AMPD1: variants seen among roughly 807,000 people sequenced by gnomAD.
The protein encoded by AMPD1 is adenosine monophosphate deaminase 1.
A neutral mutation model predicts 82.9 loss-of-function variants in AMPD1; 74 were observed. The ratio of observed to expected loss-of-function variants is 0.89; its 90% CI spans 0.74 to 1.08. AMPD1 has a LOEUF of 1.08. AMPD1 is among the 50% of genes least tolerant of loss of function. The pLI is 0.00. For missense variants in AMPD1, 881 were observed against 924.5 expected, an observed-to-expected ratio of 0.95 and a Z score of 0.61; for synonymous variants, 333 against 320.5, an observed-to-expected ratio of 1.04 and a Z score of -0.42.
Position 114,694,259 on chromosome 1 carries a change from A to C in AMPD1, c.23-812T>G, listed in dbSNP as rs557893085. Reference sequence around the variant, plus strand: ...AACAAAAACGAACAAACAAAAAAAAACCCCCAAACCATAAAGAACCTAAGG... The same window carrying C: ...AACAAAAACGAACAAACAAAAAAAACCCCCCAAACCATAAAGAACCTAAGG... On this transcript the variant is annotated intron_variant, in intron 1 of 15. Coordinates refer to ENST00000520113, the MANE Select transcript of AMPD1 (RefSeq NM_000036.3). 3.1e-3 allele frequency among the ~76,000 whole-genome samples: 466 copies of C among 151,670 alleles called. 1 individual carries two copies. The highest frequency in any genetic ancestry group is 7.6e-3 in the African/African-American group (313 of 41,372).
intron 12 of AMPD1, among the ~76,000 whole-genome samples, chr1:114,675,234 T>C (rs1657946035): frequency 1.3e-5 from 2 of 152,146 alleles, no homozygotes; most frequent in Admixed American, 1.3e-4. Flanking sequence ...CTTACCCAAA[T>C]ATATCAAGAA....
intron 11 of AMPD1, 44 bp downstream of exon 11, chr1:114,675,833 T>C (rs1487622970): frequency 6.2e-7 from 1 of 1,613,942 alleles, no homozygotes; most frequent in East Asian, 2.2e-5. Context: ...GTAGGAAGGC[T>C]GGTTCATGAG....
intron 2 of AMPD1, 94 bp from the exon 3 acceptor site, chr1:114,688,835 C>T: frequency 1.4e-6 from 2 of 1,395,970 alleles, no homozygotes; most frequent in South Asian, 1.2e-5. Flanking sequence ...AAGGACTGTG[C>T]TGCGTGCATG....
chr1:114,680,122 T>C (rs1271747872), intron 6 of AMPD1, 137 bp downstream of exon 6: 3 of 828,796 alleles, frequency 3.6e-6, no homozygotes, highest in African/African-American at 3.4e-5. Flanking sequence ...ACAATGTGCA[T>C]GAAGGGCTTA....
At chr1:114,685,130 G>T (rs1433867375) in intron 4 of AMPD1, among the ~76,000 whole-genome samples, 2 of 152,146 alleles carry the variant, frequency 1.3e-5, no homozygotes, top group Non-Finnish European at 2.9e-5. Flanking sequence ...GTAGTTTAAG[G>T]TCCAGATATT....
intron 4 of AMPD1, among the ~76,000 whole-genome samples, chr1:114,684,795 G>A (rs185405405): frequency 1.3e-5 from 2 of 152,118 alleles, no homozygotes; most frequent in African/African-American, 2.4e-5. Flanking sequence ...CAAACCACTC[G>A]GTCAGTGAGG....
At chr1:114,686,720 G>A in intron 4 of AMPD1, 25 bp downstream of exon 4, 1 of 1,613,548 alleles carries the variant, frequency 6.2e-7, no homozygotes, top group Non-Finnish European at 8.5e-7. Context: ...TGGTTGCTAA[G>A]TCTGAGTGGC....
At chr1:114,690,787 G>T (rs1305106809) in intron 2 of AMPD1, among the ~76,000 whole-genome samples, 1 of 152,092 alleles carries the variant, frequency 6.6e-6, no homozygotes, top group Non-Finnish European at 1.5e-5. Context: ...CATCTCAAGG[G>T]AGAGTGGCAA....
chr1:114,676,033 GA>G (rs1657972015), intron 10 of AMPD1, 30 bp from the exon 11 acceptor site: 1 of 1,612,186 alleles, frequency 6.2e-7, no homozygotes, highest in South Asian at 1.1e-5. Context: ...GAATTTAGGA[GA>G]AAAAAAGATT....
chr1:114,678,876 G>A (rs1036894373), intron 7 of AMPD1, among the ~76,000 whole-genome samples: 7 of 152,146 alleles, frequency 4.6e-5, no homozygotes, highest in Non-Finnish European at 8.8e-5. Context: ...CAGCCCCTAA[G>A]GAGAAAGGAT....
chr1:114,688,665 C>T lies in AMPD1; in HGVS notation c.111G>A (p.Glu37=). The T allele has an allele frequency of 6.2e-7, 1 of 1,614,218 alleles. No individual in the cohort carries two copies. ...TCTCATCCACATCAAAGGGGGAAAT[C>T]TCCTGACGACCTCCTTCATCTTTGA... ...SEVKDEGGRQ[E]ISPFDVDEIC... The change falls in exon 3 of 16, where the codon GAG becomes GAA. Residue 37 remains glutamate (E), a synonymous_variant. Coordinates refer to ENST00000520113, the MANE Select transcript of AMPD1 (RefSeq NM_000036.3).
chr1:114,690,996 C>A (rs964450141), intron 2 of AMPD1, among the ~76,000 whole-genome samples: 4 of 152,132 alleles, frequency 2.6e-5, no homozygotes, highest in Non-Finnish European at 5.9e-5. Context: ...TCTGGCTCTT[C>A]CAGAACAAGC....
intron 12 of AMPD1, 113 bp downstream of exon 12, chr1:114,675,417 C>T: frequency 8.4e-7 from 1 of 1,183,942 alleles, no homozygotes. Context: ...CTGATTTGGG[C>T]CAATTGGAAC....
chr1:114,677,665 A>C (rs896601479), intron 9 of AMPD1, 151 bp from the exon 10 acceptor site: 1 of 1,174,530 alleles, frequency 8.5e-7, no homozygotes. Flanking sequence ...TAATTTCTCT[A>C]CCTTAGCAAT....
At chr1:114,681,358 G>A (rs746938456) in intron 5 of AMPD1, among the ~76,000 whole-genome samples, 4 of 152,114 alleles carry the variant, frequency 2.6e-5, no homozygotes, top group Non-Finnish European at 4.4e-5. Flanking sequence ...ATTTTGGGAG[G>A]CCAAGGTGGG....
At chr1:114,678,658 G>C in intron 7 of AMPD1, 131 bp from the exon 8 acceptor site, 5 of 854,524 alleles carry the variant, frequency 5.9e-6, no homozygotes, top group Non-Finnish European at 9.5e-6. Context: ...GCTGACAGTT[G>C]GTGGAGGTGG....
intron 6 of AMPD1, 42 bp from the exon 7 acceptor site, chr1:114,679,750 A>G: frequency 6.2e-7 from 1 of 1,610,968 alleles, no homozygotes; most frequent in Non-Finnish European, 8.5e-7. Flanking sequence ...AGTTTCAGGC[A>G]TTCAAGAAAA....
intron 9 of AMPD1, 151 bp downstream of exon 9, chr1:114,677,759 T>TTGCGG: frequency 1.5e-6 from 1 of 677,218 alleles, no homozygotes; most frequent in Non-Finnish European, 2.7e-6. Flanking sequence ...CAGGGATCGC[T>TTGCGG]CCCTCCCTCC....
At position 114,680,326 on chromosome 1, in the gene AMPD1, A is replaced by G; in HGVS notation, c.700T>C (p.Tyr234His). 3.7e-6 allele frequency: 6 copies of G among 1,614,176 alleles called. No individual in the cohort carries two copies. Among genetic ancestry groups the G allele is most frequent in the Non-Finnish European group, 5.1e-6 (6 of 1,180,024 alleles). The change falls in exon 6 of 16, where the codon TAC becomes CAC. Residue 234 changes from tyrosine (Y) to histidine (H), a missense_variant. Tyr to His is a moderately conservative substitution (Grantham distance 83). Around this residue, in one of 2 missense-constraint regions of AMPD1, gnomAD observed 783 missense variants for 786.4 expected, o/e 1.00. Transcript: ENST00000520113. ...VSKDEPKPLP[Y>H]PNLDTFLDDM... The stretch of plus-strand genomic sequence containing the variant: ...TCTAAGAAGGTGTCCAGATTTGGGT[A>G]AGGAAGTGGCTTAGGCTCATCTTTG...
Sources: allele counts gnomAD v4.1 joint callset (sites outside exome capture counted in the v4.1 genomes callset), GRCh38; gene constraint gnomAD v4.1.1; regional missense constraint gnomAD v4.1.1; transcripts MANE v1.5; gene names NCBI Gene and HGNC (gene_info 2026-07-23, HGNC 2026-07-21).